The following PCNX1 variants were observed in gnomAD, a reference collection of about 807,000 sequenced individuals.
The protein encoded by PCNX1 is pecanex 1, also known as pecanex-like protein 1.
Under a neutral mutation model 242.2 loss-of-function variants are expected in PCNX1, and 78 were observed. That is an observed-to-expected ratio of 0.32 (90% CI 0.27 to 0.39). The LOEUF is 0.39. PCNX1 is among the 10% of genes least tolerant of loss of function. The pLI, the probability that PCNX1 is intolerant of heterozygous loss-of-function variation, is 1.00. For missense variants in PCNX1, 2,581 were observed against 2,856.5 expected, an observed-to-expected ratio of 0.90 and a Z score of 2.20; for synonymous variants, 1,024 against 1,032.9, an observed-to-expected ratio of 0.99 and a Z score of 0.17.
chr14:71,105,433 A>G lies in PCNX1; in HGVS notation c.6294A>G (p.Pro2098=). Residue 2098 remains proline (P), a synonymous_variant, in exon 33 of 36, where the codon CCA becomes CCG. Transcript: ENST00000304743. The stretch of plus-strand genomic sequence containing the variant: ...ACCCACCTGTCACATCTTATCCTCC[A>G]ACACTAGGTAATGTGAAACAAAGTT... ...GLHPPVTSYP[P]TLGTSHSSHS... is the part of the protein sequence containing the mutation. 3 of 1,612,660 alleles carry G rather than the reference A, an allele frequency of 1.9e-6. No homozygotes were observed. Among genetic ancestry groups the G allele is most frequent in the Non-Finnish European group, 1.7e-6 (2 of 1,178,642 alleles).
chr14:70,971,293 C>T (rs1372607652), intron 5 of PCNX1, among the ~76,000 whole-genome samples: 1 of 52,998 alleles, frequency 1.9e-5, no homozygotes, highest in African/African-American at 7.2e-5. Context: ...TACAGGCGCC[C>T]GCCACCGCGC....
chr14:70,911,984 G>A (rs2055933206), intron 1 of PCNX1, among the ~76,000 whole-genome samples: 2 of 152,136 alleles, frequency 1.3e-5, no homozygotes, highest in Admixed American at 6.5e-5. Flanking sequence ...GGTGGCTCAC[G>A]CACTTTGGGA....
At chr14:71,024,519 T>A (rs4340266) in intron 13 of PCNX1, among the ~76,000 whole-genome samples, 20,104 of 152,162 alleles carry the variant, frequency 0.13, 1,709 homozygotes, top group South Asian at 0.26. Context: ...TTTTTTTTTT[T>A]ATTTTTCACC....
rs140101777 is a variant in PCNX1, at chr14:71,005,519, G to T, written c.2630-4115G>T. The stretch of plus-strand genomic sequence containing the variant: ...TGAGTCTCTGTCTAAAAAAAAAAAA[G>T]GGGGGGTGGGGAATGCAATTGGAGT... On this transcript the variant is annotated intron_variant, in intron 8 of 35. Transcript: ENST00000304743. Among the ~76,000 whole-genome samples, 648 of 150,896 alleles carry T rather than the reference G, an allele frequency of 4.3e-3. 5 individuals are homozygous for T. Among genetic ancestry groups the T allele is most frequent in the Non-Finnish European group, 7.2e-3 (490 of 67,710 alleles).
rs2059203076 is a variant in PCNX1, at chr14:70,992,656, AT to A, written c.2445-3083del. ...CATAGTAGAAAAGTTAACAATTAAG[AT>A]TGCATGTCAGTGGTGCTAGTGATAG... is the stretch of plus-strand genomic sequence containing the variant. On this transcript the variant is annotated intron_variant, in intron 7 of 35. Transcript: ENST00000304743. 2.6e-5 allele frequency among the ~76,000 whole-genome samples: 4 copies of A among 152,314 alleles called. No individual in the cohort carries two copies. In the South Asian group the frequency reaches 8.3e-4, roughly 32 times the overall value.
At chr14:71,047,743 T>A in intron 21 of PCNX1, 64 bp from the exon 22 acceptor site, 2 of 1,345,190 alleles carry the variant, frequency 1.5e-6, no homozygotes, top group South Asian at 1.4e-5. Context: ...GAATTTTATT[T>A]TAAGTTACTG....
rs778381906 is a variant in PCNX1 at position 70,977,566 on chromosome 14, T to G, written c.1229T>G (p.Ile410Arg). ...YKSEQTSSTH[I>R]ESILSEHEES... is the part of the protein sequence containing the mutation. ...AGTGAGCAGACCAGCTCAACTCACATAGAGAGCATCCTGTCAGAGCATGAG... is the reference window on the plus strand; with the variant it reads ...AGTGAGCAGACCAGCTCAACTCACAGAGAGAGCATCCTGTCAGAGCATGAG... The change falls in exon 6 of 36, where the codon ATA becomes AGA. Residue 410 changes from isoleucine (I) to arginine (R), a missense_variant. Physicochemically the swap from Ile to Arg is moderately conservative, Grantham distance 97. Transcript: ENST00000304743. 60 of 1,613,970 alleles carry G rather than the reference T, an allele frequency of 3.7e-5. No homozygotes were observed. Among genetic ancestry groups the G allele is most frequent in the Non-Finnish European group, 4.2e-6 (5 of 1,180,026 alleles).
intron 15 of PCNX1, among the ~76,000 whole-genome samples, chr14:71,028,009 T>G (rs941815391): frequency 4.0e-5 from 6 of 151,870 alleles, no homozygotes; most frequent in African/African-American, 1.4e-4. Context: ...GTAGATTTCT[T>G]TTATTATTAT....
intron 24 of PCNX1, chr14:71,053,462 C>CATGT (rs1441766211): frequency 2.0e-5 from 7 of 347,436 alleles, no homozygotes; most frequent in Non-Finnish European, 2.2e-5. Context: ...GGATTACAGG[C>CATGT]GCCCACCAGC....
chr14:70,960,473 A>G (rs1269264206), intron 2 of PCNX1, among the ~76,000 whole-genome samples: 1 of 152,192 alleles, frequency 6.6e-6, no homozygotes, highest in Non-Finnish European at 1.5e-5. Context: ...ACAACACTTC[A>G]TGCTAAAAAC....
intron 2 of PCNX1, among the ~76,000 whole-genome samples, chr14:70,949,458 A>G (rs1187386152): frequency 6.6e-6 from 1 of 151,856 alleles, no homozygotes; most frequent in African/African-American, 2.4e-5. Flanking sequence ...TATAATATAC[A>G]CATACGCATG....
intron 1 of PCNX1, among the ~76,000 whole-genome samples, chr14:70,925,303 A>G (rs1176136115): frequency 6.6e-6 from 1 of 152,092 alleles, no homozygotes; most frequent in African/African-American, 2.4e-5. Context: ...TTTTTACCTT[A>G]TGTAATTGTT....
At position 71,047,148 on chromosome 14, in the gene PCNX1, T is replaced by C. The variant is rs995146359; in HGVS notation, c.4160+43T>C. 9 of 1,178,320 alleles carry C rather than the reference T, an allele frequency of 7.6e-6. No homozygotes were observed. The African/African-American group carries it at 1.4e-4, about 18-fold the overall frequency. 73.0% of individuals were successfully genotyped at this position (1,178,320 alleles called of 1,614,324 possible). On this transcript the variant is annotated intron_variant, in intron 21 of 35. Transcript: ENST00000304743. ...CTAATATTGTCTGACTACTGGGGGC[T>C]GTTATAAACAATGTCTTAAGTTGTT...
rs780337151 is a variant in PCNX1, at chr14:71,108,834, T to C, written c.6532T>C (p.Ser2178Pro). The change falls in exon 34 of 36, where the codon TCA becomes CCA. Residue 2178 changes from serine to proline, a missense_variant. Coordinates refer to ENST00000304743, the MANE Select transcript of PCNX1 (RefSeq NM_014982.3). ...RLSMVNQMEP[S>P]GQSGLACVQH... ...GTCGATGGTGAACCAAATGGAACCCTCAGGTCAGAGCGGCCTGGCCTGTGT... is the reference window on the plus strand; with the variant it reads ...GTCGATGGTGAACCAAATGGAACCCCCAGGTCAGAGCGGCCTGGCCTGTGT... 6.2e-7 allele frequency: 1 copy of C among 1,614,222 alleles called. No homozygotes were observed. Among genetic ancestry groups the C allele is most frequent in the Admixed American group, 1.7e-5 (1 of 60,032 alleles).
intron 6 of PCNX1, among the ~76,000 whole-genome samples, chr14:70,983,660 C>T (rs1187049275): frequency 6.6e-6 from 1 of 151,390 alleles, no homozygotes; most frequent in Admixed American, 6.6e-5. Context: ...AAAAGTAGGC[C>T]AGTCCTTTAA....
At chr14:70,973,497 T>C (rs957277072) in intron 5 of PCNX1, among the ~76,000 whole-genome samples, 1 of 151,970 alleles carries the variant, frequency 6.6e-6, no homozygotes, top group Non-Finnish European at 1.5e-5. Flanking sequence ...GTTGGTGACC[T>C]TGATAAGCAC....
Position 70,947,369 on chromosome 14 carries a change from C to T in PCNX1, c.362+246C>T, listed in dbSNP as rs187774747. On this transcript the variant is annotated intron_variant, in intron 2 of 35. Transcript: ENST00000304743. Reference sequence around the variant, plus strand: ...TAGACAGGTTAGAACAGTACTGTTGCGGGAAGACAGGGACCCCGAACAGAG... The same window carrying T: ...TAGACAGGTTAGAACAGTACTGTTGTGGGAAGACAGGGACCCCGAACAGAG... 3.3e-5 allele frequency among the ~76,000 whole-genome samples: 5 copies of T among 152,200 alleles called. No individual in the cohort carries two copies. In the East Asian group the frequency reaches 5.8e-4, roughly 18 times the overall value.
chr14:71,094,981 T>C (rs2062235744), intron 30 of PCNX1, among the ~76,000 whole-genome samples: 2 of 152,198 alleles, frequency 1.3e-5, no homozygotes. Context: ...TATTTACTAT[T>C]GCATATTGTC....
chr14:71,022,143 C>T (rs1006481541), intron 12 of PCNX1, among the ~76,000 whole-genome samples: 1 of 152,136 alleles, frequency 6.6e-6, no homozygotes, highest in South Asian at 2.1e-4. Flanking sequence ...CTCCTTCCTC[C>T]TTGATCACTA....
Sources: allele counts gnomAD v4.1 joint callset (sites outside exome capture counted in the v4.1 genomes callset), GRCh38; gene constraint gnomAD v4.1.1; transcripts MANE v1.5; gene names NCBI Gene and HGNC (gene_info 2026-07-23, HGNC 2026-07-21).